The following SDK1 variants were observed in gnomAD, a reference collection of about 807,000 sequenced individuals.
The protein encoded by SDK1 is protein sidekick-1.
Under a neutral mutation model 245.5 loss-of-function variants are expected in SDK1, and 157 were observed. The observed-to-expected ratio is 0.64, with a 90% confidence interval of 0.56 to 0.73. The LOEUF (loss-of-function observed/expected upper bound fraction) is 0.73, where lower values mean the gene tolerates loss of function less well. Ranked by LOEUF, SDK1 falls within the 30% of genes least tolerant of loss-of-function variation. The probability of loss-of-function intolerance (pLI) is 0.00; values close to 1 mark genes in which losing one functional copy is unlikely to be tolerated. For missense variants in SDK1, 3,583 were observed against 3,002.3 expected (o/e 1.19, Z -4.52); for synonymous variants, 1,647 against 1,278.5 (o/e 1.29, Z -6.15).
chr7:4,029,882 A>G (rs1787657742), intron 17 of SDK1, among the ~76,000 whole-genome samples: 1 of 152,222 alleles, frequency 6.6e-6, no homozygotes, highest in African/African-American at 2.4e-5. Flanking sequence ...TGGAATCAAC[A>G]CACTGAAATG....
intron 12 of SDK1, 76 bp downstream of exon 12, chr7:3,971,644 G>A: frequency 3.7e-6 from 4 of 1,069,122 alleles, no homozygotes; most frequent in Non-Finnish European, 5.6e-6. Context: ...GAGATGAGGA[G>A]GAAGAATTGG....
At chr7:3,399,179 A>G (rs1778815157) in intron 1 of SDK1, among the ~76,000 whole-genome samples, 1 of 151,718 alleles carries the variant, frequency 6.6e-6, no homozygotes, top group Non-Finnish European at 1.5e-5. Context: ...CAGACCACAT[A>G]ATCTCAATGT....
intron 36 of SDK1, among the ~76,000 whole-genome samples, chr7:4,207,283 T>A (rs956640410): frequency 7.2e-5 from 11 of 152,200 alleles, no homozygotes; most frequent in African/African-American, 2.7e-4. Context: ...AGCCTGGCCC[T>A]GGTTTAGACC....
At chr7:3,885,253 T>G (rs1478444921) in intron 5 of SDK1, among the ~76,000 whole-genome samples, 1 of 152,094 alleles carries the variant, frequency 6.6e-6, no homozygotes, top group Non-Finnish European at 1.5e-5. Flanking sequence ...TGGCAGTGAC[T>G]CTAGGCCGGC....
chr7:3,392,976 TTTTTC>T lies in SDK1; in HGVS notation c.298+91097_298+91101del, dbSNP rs1307343421. Among the ~76,000 whole-genome samples, 987 of 137,614 alleles carry T rather than the reference TTTTTC, an allele frequency of 7.2e-3. 12 individuals are homozygous for T. The highest frequency in any genetic ancestry group is 0.01 in the Non-Finnish European group (651 of 64,886). The allele number at this position is 137,614 out of a possible 152,430, so 90.3% of individuals were successfully genotyped here. ...CCTGTTTTAAATTTTTTTTTTTTTTTTTTTCTTTTTTGAGATGGAGTTTTGCTCTT... is the reference window on the plus strand; with the variant it reads ...CCTGTTTTAAATTTTTTTTTTTTTTTTTTTTTGAGATGGAGTTTTGCTCTT... On this transcript the variant is annotated intron_variant, in intron 1 of 44. Coordinates refer to ENST00000404826, the MANE Select transcript of SDK1 (RefSeq NM_152744.4).
Position 4,051,812 on chromosome 7 carries a change from G to T in SDK1, c.2893G>T (p.Val965Phe). The T allele has an allele frequency of 6.2e-7, 1 of 1,611,908 alleles. No individual in the cohort carries two copies. Among genetic ancestry groups the T allele is most frequent in the South Asian group, 1.1e-5 (1 of 90,790 alleles). The change falls in exon 19 of 45, where the codon GTC becomes TTC. Residue 965 changes from valine to phenylalanine, a missense_variant. By Grantham distance (50) the Val-to-Phe change is conservative. Transcript: ENST00000404826. ...CGGGCCTCCCAGCACACCTCAGCTG[G>T]TCTGGACTCAGGAAGACAGTGAGTA... ...GDGPPSTPQL[V>F]WTQEDKPGAV...
At chr7:4,043,276 G>A (rs1327024402) in intron 17 of SDK1, among the ~76,000 whole-genome samples, 3 of 151,292 alleles carry the variant, frequency 2.0e-5, no homozygotes, top group African/African-American at 7.3e-5. Flanking sequence ...AGGGGCCCAG[G>A]TAGAGTGAGT....
chr7:3,639,308 G>A lies in SDK1; in HGVS notation c.565+198G>A, dbSNP rs560838055. 2.0e-5 allele frequency among the ~76,000 whole-genome samples: 3 copies of A among 152,266 alleles called. No individual in the cohort carries two copies. The South Asian group carries it at 6.2e-4, about 32-fold the overall frequency. On this transcript the variant is annotated intron_variant, in intron 3 of 44. Transcript: ENST00000404826. ...AGGTGAGGGGCTGTTGAGGCAAAGG[G>A]CACTTTTCTTCATTTGAAAAGACTC...
At position 4,012,146 on chromosome 7, in the gene SDK1, C is replaced by T; in HGVS notation, c.2331C>T (p.Ala777=). Residue 777 remains alanine (A), a synonymous_variant, in exon 16 of 45, where the codon GCC becomes GCT. Coordinates refer to ENST00000404826, the MANE Select transcript of SDK1 (RefSeq NM_152744.4). ...GTGCTCCCCCGAAAAATATAGTGGCCAGTGGGCGGACTAATCAGTCCATTA... is the reference window on the plus strand; with the variant it reads ...GTGCTCCCCCGAAAAATATAGTGGCTAGTGGGCGGACTAATCAGTCCATTA... ...PPSAPPKNIV[A]SGRTNQSIMV... 1 of 1,577,634 alleles carries T rather than the reference C, an allele frequency of 6.3e-7. No homozygotes were observed. Among genetic ancestry groups the T allele is most frequent in the Non-Finnish European group, 8.6e-7 (1 of 1,162,338 alleles).
chr7:3,788,318 G>C (rs1031199851), intron 4 of SDK1, among the ~76,000 whole-genome samples: 4 of 152,170 alleles, frequency 2.6e-5, no homozygotes, highest in African/African-American at 9.7e-5. Flanking sequence ...GCCCATAACA[G>C]GGTGTGCGGT....
chr7:3,313,487 A>G (rs1779596936), intron 1 of SDK1, among the ~76,000 whole-genome samples: 1 of 152,212 alleles, frequency 6.6e-6, no homozygotes, highest in Non-Finnish European at 1.5e-5. Context: ...GCACTTCAAA[A>G]AGAAAGAAAT....
chr7:3,705,177 T>C (rs1343476691), intron 4 of SDK1, among the ~76,000 whole-genome samples: 1 of 152,140 alleles, frequency 6.6e-6, no homozygotes, highest in Admixed American at 6.5e-5. Context: ...TAGGGCTCTG[T>C]TTTGTATCCA....
At chr7:3,451,822 G>T (rs1297576360) in intron 1 of SDK1, among the ~76,000 whole-genome samples, 1 of 152,094 alleles carries the variant, frequency 6.6e-6, no homozygotes, top group South Asian at 2.1e-4. Context: ...CAACTGTACT[G>T]GGCCAATCAA....
intron 4 of SDK1, among the ~76,000 whole-genome samples, chr7:3,761,257 C>T (rs1780089122): frequency 8.0e-6 from 1 of 125,326 alleles, no homozygotes; most frequent in Non-Finnish European, 1.6e-5. Flanking sequence ...CAAGCCCCCC[C>T]TCCTTTTTTT....
intron 18 of SDK1, 130 bp from the exon 19 acceptor site, chr7:4,051,508 A>G (rs1035806251): frequency 3.5e-5 from 26 of 744,832 alleles, no homozygotes; most frequent in Middle Eastern, 3.9e-4. Flanking sequence ...TGATTATAAA[A>G]TGCAGGATTT....
At chr7:3,313,339 G>A (rs916455423) in intron 1 of SDK1, among the ~76,000 whole-genome samples, 4 of 152,174 alleles carry the variant, frequency 2.6e-5, no homozygotes, top group African/African-American at 4.8e-5. Context: ...CCCTGGAGGC[G>A]GAGATTGGAG....
intron 1 of SDK1, among the ~76,000 whole-genome samples, chr7:3,452,658 T>G (rs1180315385): frequency 1.3e-5 from 2 of 152,168 alleles, no homozygotes; most frequent in Non-Finnish European, 2.9e-5. Flanking sequence ...ATAGAAGAAC[T>G]TCCTACAATA....
intron 5 of SDK1, among the ~76,000 whole-genome samples, chr7:3,888,944 T>C (rs1781396528): frequency 6.6e-6 from 1 of 152,238 alleles, no homozygotes; most frequent in African/African-American, 2.4e-5. Flanking sequence ...TATGGCTCTT[T>C]ATTATTTTAA....
intron 35 of SDK1, among the ~76,000 whole-genome samples, chr7:4,204,048 G>T (rs2128226558): frequency 6.6e-6 from 1 of 152,342 alleles, no homozygotes; most frequent in African/African-American, 2.4e-5. Context: ...CAAGTCCAGA[G>T]CTGTCGTGGG....
Sources: allele counts gnomAD v4.1 joint callset (sites outside exome capture counted in the v4.1 genomes callset), GRCh38; gene constraint gnomAD v4.1.1; transcripts MANE v1.5; gene names NCBI Gene and HGNC (gene_info 2026-07-23, HGNC 2026-07-21).